VDAC1: variants seen among roughly 807,000 people sequenced by gnomAD.
VDAC1 encodes non-selective voltage-gated ion channel VDAC1.
VDAC1 carries 10 observed loss-of-function variants against 34.7 expected under a neutral mutation model. The ratio of observed to expected loss-of-function variants is 0.29; its 90% CI spans 0.18 to 0.49. The LOEUF (loss-of-function observed/expected upper bound fraction) is 0.49. Among genes scored for constraint, VDAC1 ranks in the 20% least tolerant of loss-of-function variants. The probability of loss-of-function intolerance (pLI) is 0.99; values close to 1 mark genes in which losing one functional copy is unlikely to be tolerated. For synonymous variants in VDAC1, 130 were observed against 136.0 expected, an observed-to-expected ratio of 0.96 and a Z score of 0.30; for missense variants, 230 against 347.9, an observed-to-expected ratio of 0.66 and a Z score of 2.69.
chr5:134,090,291 C>T, the VDAC1 span, among the ~76,000 whole-genome samples: 4 of 152,328 alleles, frequency 2.6e-5, no homozygotes, highest in East Asian at 3.9e-4. Flanking sequence ...TGCCCCCAAA[C>T]GCCTGGCGTT....
the VDAC1 span, among the ~76,000 whole-genome samples, chr5:134,088,151 G>A: frequency 6.6e-6 from 1 of 152,114 alleles, no homozygotes; most frequent in East Asian, 1.9e-4. Context: ...GCAAAACCCT[G>A]TCTCAAAAAA....
intron 5 of VDAC1, among the ~76,000 whole-genome samples, chr5:133,985,490 C>T (rs913461142): frequency 1.8e-4 from 28 of 152,092 alleles, no homozygotes; most frequent in African/African-American, 6.5e-4. Context: ...CCTGTCTCTA[C>T]TAAAAATACA....
At chr5:134,018,949 C>T in the VDAC1 span, among the ~76,000 whole-genome samples, 3 of 152,158 alleles carry the variant, frequency 2.0e-5, no homozygotes, top group Non-Finnish European at 4.4e-5. Flanking sequence ...GGACTGCACA[C>T]TCTCCATATG....
At chr5:134,004,858 C>G (rs999880505) in intron 1 of VDAC1, 37 bp downstream of exon 1, 2 of 151,484 alleles carry the variant, frequency 1.3e-5, no homozygotes. Flanking sequence ...CCAGGCCGGG[C>G]CAGGGTCCCC....
At chr5:134,020,708 G>A in the VDAC1 span, among the ~76,000 whole-genome samples, 6 of 151,836 alleles carry the variant, frequency 4.0e-5, no homozygotes, top group Admixed American at 1.3e-4. Flanking sequence ...GTGGAGTCTC[G>A]CTCAGTCACC....
chr5:133,983,368 G>C (rs1430782118), intron 5 of VDAC1, among the ~76,000 whole-genome samples: 1 of 151,750 alleles, frequency 6.6e-6, no homozygotes, highest in Non-Finnish European at 1.5e-5. Flanking sequence ...AATATTTACA[G>C]CTGAAATTAA....
intron 6 of VDAC1, among the ~76,000 whole-genome samples, chr5:133,978,345 C>G (rs1229556725): frequency 3.3e-5 from 5 of 152,108 alleles, no homozygotes; most frequent in African/African-American, 1.2e-4. Flanking sequence ...CTATGTTCCC[C>G]AGGCTGGTCC....
chr5:133,993,111 T>C, intron 1 of VDAC1, 93 bp from the exon 2 acceptor site: 2 of 1,316,944 alleles, frequency 1.5e-6, no homozygotes, highest in South Asian at 2.8e-5. Context: ...TAGCAACCAA[T>C]AAAAATCACC....
At chr5:134,018,850 G>A in the VDAC1 span, among the ~76,000 whole-genome samples, 1 of 152,174 alleles carries the variant, frequency 6.6e-6, no homozygotes, top group African/African-American at 2.4e-5. Flanking sequence ...TGACCAGGGA[G>A]CCCCAGTAAA....
At chr5:134,021,322 T>C in the VDAC1 span, among the ~76,000 whole-genome samples, 1 of 152,002 alleles carries the variant, frequency 6.6e-6, no homozygotes, top group Non-Finnish European at 1.5e-5. Context: ...TTTCTCCTAA[T>C]GCTATTCCTC....
the VDAC1 span, among the ~76,000 whole-genome samples, chr5:134,059,393 C>T: frequency 1.6e-4 from 24 of 152,290 alleles, no homozygotes; most frequent in African/African-American, 5.5e-4. Context: ...GCCTAGCACA[C>T]TTTCATTCTG....
the VDAC1 span, among the ~76,000 whole-genome samples, chr5:134,057,495 A>C: frequency 3.3e-5 from 2 of 60,292 alleles, no homozygotes; most frequent in African/African-American, 9.1e-5. Flanking sequence ...AAAAAAATTT[A>C]TATCTATATC....
chr5:133,976,629 G>A (rs1580707525), intron 6 of VDAC1, among the ~76,000 whole-genome samples: 1 of 151,160 alleles, frequency 6.6e-6, no homozygotes, highest in East Asian at 1.9e-4. Context: ...GCAACAGAGC[G>A]AGATCCTGTC....
At chr5:134,054,704 G>A in the VDAC1 span, among the ~76,000 whole-genome samples, 6 of 151,938 alleles carry the variant, frequency 3.9e-5, no homozygotes, top group Non-Finnish European at 5.9e-5. Flanking sequence ...CAGGTGATCC[G>A]CCCACCTTGG....
At chr5:134,091,890 C>T in the VDAC1 span, among the ~76,000 whole-genome samples, 1 of 152,230 alleles carries the variant, frequency 6.6e-6, no homozygotes, top group Non-Finnish European at 1.5e-5. Flanking sequence ...AATAAGCCCA[C>T]GCAGGCTGCA....
chr5:133,978,203 G>T (rs1414547212), intron 6 of VDAC1, among the ~76,000 whole-genome samples: 3 of 150,614 alleles, frequency 2.0e-5, no homozygotes, highest in African/African-American at 7.4e-5. Context: ...ATCTTGCTCT[G>T]TTTCCCAGGC....
Position 134,004,539 on chromosome 5 carries a change from G to A in VDAC1, c.-7+356C>T, listed in dbSNP as rs556294022. On this transcript the variant is annotated intron_variant, in intron 1 of 8. Coordinates refer to ENST00000265333, the MANE Select transcript of VDAC1 (RefSeq NM_003374.3). ...ATCCCTCCCCGCGGCCGGGCTGCCG[G>A]GGCCCCTCGCCCGCTCCTCCCTCAG... 6.5e-5 allele frequency: 10 copies of A among 152,682 alleles called. No individual in the cohort carries two copies. The South Asian group carries it at 1.0e-3, about 16-fold the overall frequency. The allele number at this position is 152,682 out of a possible 1,614,324, so 9.5% of individuals were successfully genotyped here.
At chr5:134,088,405 A>C in the VDAC1 span, among the ~76,000 whole-genome samples, 12 of 152,206 alleles carry the variant, frequency 7.9e-5, no homozygotes, top group African/African-American at 2.9e-4. Context: ...TGACTCCATC[A>C]GTCTTAGGGC....
At chr5:134,085,858 T>C in the VDAC1 span, among the ~76,000 whole-genome samples, 1 of 150,730 alleles carries the variant, frequency 6.6e-6, no homozygotes, top group Admixed American at 6.6e-5. Flanking sequence ...CTATGAGCTA[T>C]GATCAGCCTG....
Sources: gnomAD v4.1 joint callset for allele counts (sites outside exome capture counted in the v4.1 genomes callset) on GRCh38, gnomAD v4.1.1 for gene constraint, MANE v1.5 for transcripts, NCBI Gene and HGNC (gene_info 2026-07-23, HGNC 2026-07-21) for gene names.